CEP120: variants seen among roughly 807,000 people sequenced by gnomAD.
CEP120 encodes the protein centrosomal protein of 120 kDa.
In CEP120, 113 loss-of-function variants were observed where a neutral mutation model predicts 126.5. That is an observed-to-expected ratio of 0.89 (90% CI 0.77 to 1.04). The LOEUF (loss-of-function observed/expected upper bound fraction) is 1.04, where lower values mean the gene tolerates loss of function less well. CEP120 is among the 50% of genes least tolerant of loss of function. The pLI, the probability that CEP120 is intolerant of heterozygous loss-of-function variation, is 0.00. For missense variants in CEP120, 1,230 were observed against 1,155.7 expected (o/e 1.06, Z -0.93); for synonymous variants, 400 against 394.3 (o/e 1.01, Z -0.17).
chr5:123,397,308 G>A (rs1772852354), intron 5 of CEP120, among the ~76,000 whole-genome samples: 1 of 152,108 alleles, frequency 6.6e-6, no homozygotes, highest in South Asian at 2.1e-4. Context: ...TGGGTGACAA[G>A]AGCGAGGCTC....
chr5:123,402,127 G>A, intron 4 of CEP120: 1 of 1,582,010 alleles, frequency 6.3e-7, no homozygotes, highest in Non-Finnish European at 8.7e-7. Flanking sequence ...AGGGGGCTCA[G>A]CAGGCTCTGG....
Position 123,378,393 on chromosome 5 carries a change from T to A in CEP120, c.2139A>T (p.Gln713His), listed in dbSNP as rs1279805679. The A allele has an allele frequency of 1.9e-6, 3 of 1,608,374 alleles. No individual in the cohort carries two copies. The highest frequency in any genetic ancestry group is 2.5e-6 in the Non-Finnish European group (3 of 1,177,774). The stretch of plus-strand genomic sequence containing the variant: ...GCTTCTCCAAGTCAATTAGAGTTTT[T>A]TGAAGTTTTCCTTCTAGAATAGTAT... The part of the protein sequence containing the change: ...AEYTILEGKL[Q>H]KTLIDLEKRE... The change falls in exon 15 of 20, where the codon CAA becomes CAT. Residue 713 changes from glutamine to histidine, a missense_variant. Transcript: ENST00000306467.
At chr5:123,362,439 T>C (rs546100420) in intron 18 of CEP120, among the ~76,000 whole-genome samples, 1 of 151,864 alleles carries the variant, frequency 6.6e-6, no homozygotes, top group Non-Finnish European at 1.5e-5. Context: ...TTAGTACCTA[T>C]GTGATCACAT....
chr5:123,382,290 A>C, intron 13 of CEP120, 90 bp from the exon 14 acceptor site: 2 of 590,422 alleles, frequency 3.4e-6, no homozygotes, highest in Non-Finnish European at 5.6e-6. Flanking sequence ...GATGCTGATC[A>C]CTAATATGAT....
chr5:123,364,742 T>C (rs1344775273), intron 17 of CEP120, 148 bp from the exon 18 acceptor site: 2 of 388,894 alleles, frequency 5.1e-6, no homozygotes, highest in African/African-American at 4.1e-5. Flanking sequence ...TAATTTACTA[T>C]AAATATTATG....
At chr5:123,398,764 G>C (rs1772973723) in intron 5 of CEP120, among the ~76,000 whole-genome samples, 1 of 152,084 alleles carries the variant, frequency 6.6e-6, no homozygotes, top group African/African-American at 2.4e-5. Flanking sequence ...AACTCTATAG[G>C]CATTAAGTAT....
chr5:123,417,033 A>G (rs1774431545), intron 2 of CEP120, among the ~76,000 whole-genome samples: 1 of 152,172 alleles, frequency 6.6e-6, no homozygotes, highest in Non-Finnish European at 1.5e-5. Context: ...GCTTTTATCT[A>G]GTGGAGTTAT....
At chr5:123,401,834 C>T (rs1773262797) in intron 4 of CEP120, 2 of 1,467,382 alleles carry the variant, frequency 1.4e-6, no homozygotes, top group South Asian at 1.1e-5. Flanking sequence ...CCTCCACCAG[C>T]CCCTACATGT....
Position 123,415,086 on chromosome 5 carries a change from G to C in CEP120, c.321+924C>G, listed in dbSNP as rs542468441. ...CTGAGTTCTTTCTCTTGGGAGTAGG[G>C]GGGCAGAGAGGTACTGGTTAGATAA... On this transcript the variant is annotated intron_variant, in intron 3 of 19. Transcript: ENST00000306467. 2.6e-5 allele frequency among the ~76,000 whole-genome samples: 4 copies of C among 151,972 alleles called. No individual in the cohort carries two copies. In the South Asian group the frequency reaches 6.2e-4, roughly 24 times the overall value.
chr5:123,411,355 T>C (rs996263948), intron 4 of CEP120, among the ~76,000 whole-genome samples: 1 of 152,182 alleles, frequency 6.6e-6, no homozygotes, highest in Non-Finnish European at 1.5e-5. Flanking sequence ...ACTGAAAACT[T>C]CTGTCCACAT....
chr5:123,372,793 C>T, intron 16 of CEP120, 21 bp from the exon 17 acceptor site: 1 of 1,566,896 alleles, frequency 6.4e-7, no homozygotes, highest in Non-Finnish European at 8.7e-7. Flanking sequence ...AAAAGTTTAG[C>T]CATTTCAAAA....
intron 4 of CEP120, among the ~76,000 whole-genome samples, chr5:123,409,322 T>C (rs1296905842): frequency 6.6e-6 from 1 of 152,180 alleles, no homozygotes; most frequent in Non-Finnish European, 1.5e-5. Context: ...GCTAACATTA[T>C]ACTTAATGGT....
chr5:123,382,046 C>T lies in CEP120; in HGVS notation c.2103+65G>A, dbSNP rs144009552. On this transcript the variant is annotated intron_variant, in intron 14 of 19. Coordinates refer to ENST00000306467, the MANE Select transcript of CEP120 (RefSeq NM_001375405.1). ...TATTCCTTCCAGAGACTGTCTTTAA[C>T]GCAAATACAAGATATTATCATTAAT... 708 of 1,138,384 alleles carry T rather than the reference C, an allele frequency of 6.2e-4. 1 individual carries two copies. Among genetic ancestry groups the T allele is most frequent in the African/African-American group, 6.1e-3 (390 of 64,044 alleles). The allele number at this position is 1,138,384 out of a possible 1,614,324, so 70.5% of individuals were successfully genotyped here.
At chr5:123,355,383 C>A (rs889690987) in intron 18 of CEP120, among the ~76,000 whole-genome samples, 24 of 152,180 alleles carry the variant, frequency 1.6e-4, no homozygotes, top group Admixed American at 1.6e-3. Context: ...AATGGATGAA[C>A]TAGTTTACAG....
chr5:123,364,234 T>A (rs1770293631), intron 18 of CEP120, among the ~76,000 whole-genome samples: 1 of 151,460 alleles, frequency 6.6e-6, no homozygotes, highest in African/African-American at 2.4e-5. Context: ...GTTTTATAAG[T>A]GAAAGTAAAA....
chr5:123,383,098 G>A lies in CEP120; in HGVS notation c.1764-16C>T. On this transcript the variant is annotated splice_polypyrimidine_tract_variant and intron_variant, in intron 11 of 19. Coordinates refer to ENST00000306467, the MANE Select transcript of CEP120 (RefSeq NM_001375405.1). Reference sequence around the variant, plus strand: ...GTTATTTGATCTACAAATAAAATAAGAAATACCTTAAAATTCACAGAAATA... The same window carrying A: ...GTTATTTGATCTACAAATAAAATAAAAAATACCTTAAAATTCACAGAAATA... The A allele has an allele frequency of 2.3e-6, 3 of 1,310,144 alleles. No individual in the cohort carries two copies. Among genetic ancestry groups the A allele is most frequent in the Non-Finnish European group, 3.2e-6 (3 of 930,182 alleles). 81.2% of individuals were successfully genotyped at this position (1,310,144 alleles called of 1,614,324 possible). A position where few individuals can be genotyped will look rare whatever the true frequency, so the allele number is the denominator to read the frequency against.
rs770189556 is a variant in CEP120, at chr5:123,388,502, AATG to A, written c.1357_1359del (p.His453del). 7.5e-6 allele frequency: 12 copies of A among 1,610,254 alleles called. No homozygotes were observed. The South Asian group carries it at 1.3e-4, about 18-fold the overall frequency. ...CTCCTTAAGTCTATTGAAAAGCAAA[AATG>A]ATGTGATGTTGCTGGTACAGCAATC... On this transcript the variant is annotated inframe_deletion, in exon 9 of 20. Coordinates refer to ENST00000306467, the MANE Select transcript of CEP120 (RefSeq NM_001375405.1).
intron 17 of CEP120, among the ~76,000 whole-genome samples, chr5:123,372,188 T>C (rs1416863933): frequency 6.6e-6 from 1 of 152,036 alleles, no homozygotes; most frequent in Non-Finnish European, 1.5e-5. Flanking sequence ...ACAGGGGTGA[T>C]ACACGGAGAG....
intron 8 of CEP120, 145 bp downstream of exon 8, chr5:123,389,779 C>T (rs1414937022): frequency 8.8e-6 from 6 of 683,602 alleles, no homozygotes; most frequent in South Asian, 3.8e-5. Flanking sequence ...GGATTACAGG[C>T]GTGAGCCACC....
Sources: gnomAD v4.1 joint callset for allele counts (sites outside exome capture counted in the v4.1 genomes callset) on GRCh38, gnomAD v4.1.1 for gene constraint, MANE v1.5 for transcripts, NCBI Gene and HGNC (gene_info 2026-07-23, HGNC 2026-07-21) for gene names.